The following NFIA variants were observed in gnomAD, a reference collection of about 807,000 sequenced individuals.
NFIA encodes nuclear factor 1 A-type.
A neutral mutation model predicts 62.8 loss-of-function variants in NFIA; 8 were observed. The ratio of observed to expected loss-of-function variants is 0.13; its 90% CI spans 0.07 to 0.23. The LOEUF is 0.23. NFIA is among the 10% of genes least tolerant of loss of function. NFIA has a pLI of 1.00. For missense variants in NFIA, 410 were observed against 642.1 expected (o/e 0.64, Z 3.91); for synonymous variants, 235 against 238.1 (o/e 0.99, Z 0.12).
intron 2 of NFIA, among the ~76,000 whole-genome samples, chr1:61,255,528 A>G (rs989920352): frequency 1.3e-5 from 2 of 152,232 alleles, no homozygotes; most frequent in Non-Finnish European, 2.9e-5. Context: ...AGGGAAACAG[A>G]CTAAGGAGAC....
intron 2 of NFIA, among the ~76,000 whole-genome samples, chr1:61,259,353 C>G (rs990502593): frequency 6.6e-6 from 1 of 152,192 alleles, no homozygotes; most frequent in Admixed American, 6.5e-5. Flanking sequence ...CTTGCCCGGA[C>G]TGGCCCTTCC....
At chr1:61,287,807 T>C (rs1162280437) in intron 3 of NFIA, among the ~76,000 whole-genome samples, 1 of 152,238 alleles carries the variant, frequency 6.6e-6, no homozygotes, top group South Asian at 2.1e-4. Flanking sequence ...CAACCAGTTG[T>C]AATTCTCCAC....
rs1250106189 is a variant in NFIA, at chr1:61,406,665, T to C, written c.1358T>C (p.Val453Ala). Residue 453 changes from valine (V) to alanine (A), a missense_variant, in exon 9 of 11, where the codon GTG (valine) becomes GCG (alanine). By Grantham distance (64) the Val-to-Ala change is moderately conservative (BLOSUM62 0). Transcript: ENST00000403491. ...ATGGCCAGGCCTGTGCCTCTGCCGG[T>C]GCCAGACACAAAGCCTCCAACCACG... is the stretch of plus-strand genomic sequence containing the variant. ...PPMARPVPLP[V>A]PDTKPPTTST... 12 of 1,606,312 alleles carry C rather than the reference T, an allele frequency of 7.5e-6. No homozygotes were observed. The highest frequency in any genetic ancestry group is 1.0e-5 in the Non-Finnish European group (12 of 1,176,042).
chr1:61,191,723 A>G (rs1557626083), intron 2 of NFIA, among the ~76,000 whole-genome samples: 1 of 152,040 alleles, frequency 6.6e-6, no homozygotes, highest in East Asian at 1.9e-4. Context: ...CCTACCCTAC[A>G]TCCATCATAC....
intron 6 of NFIA, among the ~76,000 whole-genome samples, chr1:61,371,491 CATTT>C (rs143978417): frequency 0.013 from 1,975 of 152,282 alleles, 30 homozygotes; most frequent in African/African-American, 0.045. Flanking sequence ...TTGTGACACA[CATTT>C]ATTATATTGG....
chr1:61,251,434 A>G (rs961144746), intron 2 of NFIA: 7 of 152,138 alleles, frequency 4.6e-5, no homozygotes, highest in South Asian at 2.1e-4. Context: ...TATATAAATC[A>G]CTTTATTTTT....
At chr1:61,447,568 G>A (rs983835820) in intron 10 of NFIA, among the ~76,000 whole-genome samples, 2 of 152,056 alleles carry the variant, frequency 1.3e-5, no homozygotes, top group Non-Finnish European at 2.9e-5. Context: ...CAGAAAATCC[G>A]GCAGTGCCAT....
chr1:61,138,237 A>G (rs1321892149), intron 2 of NFIA, among the ~76,000 whole-genome samples: 2 of 152,072 alleles, frequency 1.3e-5, no homozygotes, highest in Admixed American at 6.6e-5. Context: ...CTGGGACTAC[A>G]GGCACACGCC....
intron 9 of NFIA, among the ~76,000 whole-genome samples, chr1:61,412,599 G>A (rs1666155083): frequency 6.6e-6 from 1 of 152,192 alleles, no homozygotes; most frequent in Non-Finnish European, 1.5e-5. Flanking sequence ...TGGGTGAGGG[G>A]TGGAGATCAG....
intron 6 of NFIA, among the ~76,000 whole-genome samples, chr1:61,362,509 G>A (rs1663352471): frequency 6.6e-6 from 1 of 152,274 alleles, no homozygotes; most frequent in East Asian, 1.9e-4. Context: ...AGGGCCAAAG[G>A]TTGCCAGAAG....
chr1:61,248,271 G>C (rs1655779143), intron 2 of NFIA, among the ~76,000 whole-genome samples: 1 of 152,320 alleles, frequency 6.6e-6, no homozygotes, highest in African/African-American at 2.4e-5. Flanking sequence ...CATGAGTGCA[G>C]TTTTTATCTG....
intron 2 of NFIA, among the ~76,000 whole-genome samples, chr1:61,113,618 A>G (rs777589316): frequency 6.8e-5 from 9 of 131,400 alleles, no homozygotes; most frequent in Non-Finnish European, 1.5e-4. Flanking sequence ...AAAAAAAAAG[A>G]GAATATGTTT....
intron 2 of NFIA, among the ~76,000 whole-genome samples, chr1:61,272,064 G>C (rs1657539150): frequency 6.6e-6 from 1 of 152,016 alleles, no homozygotes; most frequent in Non-Finnish European, 1.5e-5. Flanking sequence ...GAGCTTAAAA[G>C]ATTTTATTCA....
intron 6 of NFIA, among the ~76,000 whole-genome samples, chr1:61,377,893 C>T (rs1389920316): frequency 1.3e-5 from 2 of 152,168 alleles, no homozygotes; most frequent in Non-Finnish European, 2.9e-5. Context: ...TTTGAAAAAT[C>T]CAGCATGTTG....
At chr1:61,134,174 T>C (rs1015712956) in intron 2 of NFIA, among the ~76,000 whole-genome samples, 2 of 152,010 alleles carry the variant, frequency 1.3e-5, no homozygotes, top group African/African-American at 4.8e-5. Flanking sequence ...GTTTTTTTGA[T>C]GATTAAATGA....
At chr1:61,316,855 A>T (rs1660391350) in intron 3 of NFIA, among the ~76,000 whole-genome samples, 1 of 152,196 alleles carries the variant, frequency 6.6e-6, no homozygotes, top group South Asian at 2.1e-4. Context: ...CCTTTCTTTA[A>T]TGATGCTTTC....
intron 2 of NFIA, among the ~76,000 whole-genome samples, chr1:61,141,663 C>T (rs1471624948): frequency 6.6e-6 from 1 of 152,216 alleles, no homozygotes; most frequent in Non-Finnish European, 1.5e-5. Flanking sequence ...TGTGACTCAG[C>T]ACATTGACTT....
At chr1:61,292,122 A>G (rs1233475597) in intron 3 of NFIA, among the ~76,000 whole-genome samples, 1 of 152,180 alleles carries the variant, frequency 6.6e-6, no homozygotes, top group Non-Finnish European at 1.5e-5. Flanking sequence ...GTGAGGGAGA[A>G]TGCATTATTA....
chr1:61,121,088 C>G (rs1646879626), intron 2 of NFIA, among the ~76,000 whole-genome samples: 1 of 152,242 alleles, frequency 6.6e-6, no homozygotes, highest in Non-Finnish European at 1.5e-5. Flanking sequence ...ATTGCATTGT[C>G]TGTTACTCAA....
Sources: allele counts gnomAD v4.1 joint callset (sites outside exome capture counted in the v4.1 genomes callset), GRCh38; gene constraint gnomAD v4.1.1; transcripts MANE v1.5; gene names NCBI Gene and HGNC (gene_info 2026-07-23, HGNC 2026-07-21).